Variants in TYMS observed in about 807,000 individuals in gnomAD.
TYMS encodes thymidylate synthetase, also known as thymidylate synthase.
A neutral mutation model predicts 39.3 loss-of-function variants in TYMS; 21 were observed. The ratio of observed to expected loss-of-function variants is 0.54; its 90% CI spans 0.38 to 0.77. The LOEUF (loss-of-function observed/expected upper bound fraction) is 0.77. TYMS is among the 30% of genes least tolerant of loss of function. TYMS has a pLI of 0.00. For missense variants in TYMS, 273 were observed against 406.7 expected (o/e 0.67, Z 2.83); for synonymous variants, 171 against 162.2 (o/e 1.05, Z -0.41).
Position 668,651 on chromosome 18 carries a change from A to ACT in TYMS, c.455-416_455-415dup, listed in dbSNP as rs754573274. On this transcript the variant is annotated intron_variant, in intron 3 of 6. Coordinates refer to ENST00000323274, the MANE Select transcript of TYMS (RefSeq NM_001071.4). ...TACTATATTCTACATAAGATACAACACTCTCTGTGAGACAAGGATAAAGTA... is the reference window on the plus strand; with the variant it reads ...TACTATATTCTACATAAGATACAACACTCTCTCTGTGAGACAAGGATAAAGTA... Among the ~76,000 whole-genome samples the ACT allele has an allele frequency of 2.6e-5, 4 of 152,268 alleles. No individual in the cohort carries two copies. In the South Asian group the frequency reaches 8.3e-4, roughly 32 times the overall value.
rs1002670589 is a variant in TYMS at position 666,047 on chromosome 18, T to C, written c.455-3025T>C. ...CTATTAGGTCCGCTTAGTGCAGAGC[T>C]GAGTTCAATTCCTGGGTATCCTTGT... On this transcript the variant is annotated intron_variant, in intron 3 of 6. Transcript: ENST00000323274. Among the ~76,000 whole-genome samples, 20 of 98,334 alleles carry C rather than the reference T, an allele frequency of 2.0e-4. 6 individuals are homozygous for C. Among genetic ancestry groups the C allele is most frequent in the Non-Finnish European group, 3.0e-4 (16 of 53,024 alleles). The allele number at this position is 98,334 out of a possible 152,430, so 64.5% of individuals were successfully genotyped here.
chr18:670,964 T>G lies in TYMS; in HGVS notation c.732+97T>G. On this transcript the variant is annotated intron_variant, in intron 5 of 6. Transcript: ENST00000323274. ...CAAATTGCAGAGTTTAGTCTCTGATTAGCTTTTAAATTTGATATGTGTAAG... is the reference window on the plus strand; with the variant it reads ...CAAATTGCAGAGTTTAGTCTCTGATGAGCTTTTAAATTTGATATGTGTAAG... The G allele has an allele frequency of 2.1e-6, 3 of 1,405,298 alleles. No homozygotes were observed. The South Asian group carries it at 4.1e-5, about 19-fold the overall frequency. 87.1% of individuals were successfully genotyped at this position (1,405,298 alleles called of 1,614,324 possible).
chr18:664,389 G>C (rs1167098024), intron 3 of TYMS, among the ~76,000 whole-genome samples: 1 of 147,036 alleles, frequency 6.8e-6, no homozygotes, highest in African/African-American at 2.6e-5. Flanking sequence ...CTTTGCTGAA[G>C]TTGCTTATCA....
chr18:662,050 G>A (rs1180145433), intron 2 of TYMS, 96 bp from the exon 3 acceptor site: 2 of 1,339,750 alleles, frequency 1.5e-6, no homozygotes, highest in African/African-American at 3.0e-5. Flanking sequence ...AAGTCAGCAG[G>A]GGCCAGAGGC....
At chr18:664,686 T>C (rs995271156) in intron 3 of TYMS, among the ~76,000 whole-genome samples, 85 of 149,438 alleles carry the variant, frequency 5.7e-4, no homozygotes, top group Non-Finnish European at 9.8e-4. Flanking sequence ...TTTTGAAATA[T>C]GTCCCATCAA....
intron 6 of TYMS, chr18:671,839 G>A: frequency 4.6e-6 from 1 of 217,642 alleles, no homozygotes; most frequent in South Asian, 6.7e-5. Flanking sequence ...GTGTGCCGTG[G>A]TGCGATCTCA....
chr18:664,435 T>G (rs1451037578), intron 3 of TYMS, among the ~76,000 whole-genome samples: 3 of 145,408 alleles, frequency 2.1e-5, no homozygotes, highest in Non-Finnish European at 4.5e-5. Context: ...AATGGGGTTT[T>G]CTAGATATAC....
In TYMS at chr18:660,152, A is replaced by G. The variant is rs766679058; in HGVS notation, c.279+438A>G. Among the ~76,000 whole-genome samples the G allele has an allele frequency of 6.6e-6, 1 of 152,160 alleles. No individual in the cohort carries two copies. The highest frequency in any genetic ancestry group is 2.4e-5 in the African/African-American group (1 of 41,428). ...TAGTGGCTCCATTTCACTCAGTAAGAGCCACGGTCCTTATGGTGTCCGTTT... is the reference window on the plus strand; with the variant it reads ...TAGTGGCTCCATTTCACTCAGTAAGGGCCACGGTCCTTATGGTGTCCGTTT... On this transcript the variant is annotated intron_variant, in intron 2 of 6. Coordinates refer to ENST00000323274, the MANE Select transcript of TYMS (RefSeq NM_001071.4). The surrounding 1 kb of genome is among the most constrained non-coding windows in gnomAD (Gnocchi z 4.6).
At position 658,198 on chromosome 18, in the gene TYMS, CGGGCTCG is replaced by C; in HGVS notation, c.205+252_205+258del. 1 of 1,535,756 alleles carries C rather than the reference CGGGCTCG, an allele frequency of 6.5e-7. No individual in the cohort carries two copies. On this transcript the variant is annotated intron_variant, in intron 1 of 6. Transcript: ENST00000323274. The surrounding 1 kb of genome is among the most constrained non-coding windows in gnomAD (Gnocchi z 4.5). ...AGCCGCGTCCCAGCGGCTCCGCGGC[CGGGCTCG>C]CAGTCGCCCCAGTGATGCCGTGGCC...
chr18:669,923 T>C (rs57164042), intron 4 of TYMS, among the ~76,000 whole-genome samples: 49 of 151,834 alleles, frequency 3.2e-4, no homozygotes, highest in African/African-American at 1.1e-3. Context: ...GATCACGCCA[T>C]TGCACTCCAG....
At chr18:666,163 G>T (rs953915199) in intron 3 of TYMS, among the ~76,000 whole-genome samples, 11 of 93,894 alleles carry the variant, frequency 1.2e-4, no homozygotes, top group African/African-American at 7.0e-4. Flanking sequence ...TCTCTTTGTA[G>T]GTCAGATGAT....
At chr18:666,933 T>A (rs62090121) in intron 3 of TYMS, among the ~76,000 whole-genome samples, 3,940 of 47,678 alleles carry the variant, frequency 0.083, 614 homozygotes, top group African/African-American at 0.12. Context: ...ATGGTGATGG[T>A]GATGGAGATG....
At chr18:672,602 G>GAACTT (rs2075111774) in intron 6 of TYMS, 2 of 305,430 alleles carry the variant, frequency 6.5e-6, no homozygotes, top group Non-Finnish European at 1.2e-5. Context: ...GTGGTTATAA[G>GAACTT]AACTTACACC....
intron 5 of TYMS, 89 bp from the exon 6 acceptor site, chr18:671,291 T>C (rs2075038263): frequency 1.1e-6 from 1 of 880,194 alleles, no homozygotes; most frequent in Non-Finnish European, 1.9e-6. Flanking sequence ...AAAAAAGCCT[T>C]GCGGTGTCTG....
Position 667,119 on chromosome 18 carries a change from TGATGGTGATGGA to T in TYMS, c.455-1941_455-1930del, listed in dbSNP as rs1215516576. On this transcript the variant is annotated intron_variant, in intron 3 of 6. Transcript: ENST00000323274. ...GAGATGGAGATGGAGATGGTGATGG[TGATGGTGATGGA>T]GATGGTGATGGTGATGGTGATGGTG... 3.6e-4 allele frequency among the ~76,000 whole-genome samples: 26 copies of T among 72,320 alleles called. 2 individuals are homozygous for T. Among genetic ancestry groups the T allele is most frequent in the East Asian group, 3.0e-3 (7 of 2,306 alleles). The allele number at this position is 72,320 out of a possible 152,430, so 47.4% of individuals were successfully genotyped here. A position where few individuals can be genotyped will look rare whatever the true frequency, so the allele number is the denominator to read the frequency against.
intron 5 of TYMS, 130 bp downstream of exon 5, chr18:670,997 T>C: frequency 9.0e-7 from 1 of 1,105,304 alleles, no homozygotes; most frequent in South Asian, 1.6e-5. Context: ...AAGTAAGAAA[T>C]GAACCAGCTT....
chr18:662,301 A>G lies in TYMS; in HGVS notation c.435A>G (p.Glu145=). 3.7e-6 allele frequency: 6 copies of G among 1,611,966 alleles called. No individual in the cohort carries two copies. The highest frequency in any genetic ancestry group is 5.1e-6 in the Non-Finnish European group (6 of 1,179,426). ...YGFQWRHFGA[E]YRDMESDYSG... ...TCCAGTGGAGGCATTTTGGGGCAGA[A>G]TACAGAGATATGGAATCAGGTGAGG... Residue 145 remains glutamate (E), a synonymous_variant, in exon 3 of 7, where the codon GAA becomes GAG. Coordinates refer to ENST00000323274, the MANE Select transcript of TYMS (RefSeq NM_001071.4).
chr18:670,942 AT>A, intron 5 of TYMS, 75 bp downstream of exon 5: 1 of 1,523,798 alleles, frequency 6.6e-7, no homozygotes, highest in Middle Eastern at 2.0e-4. Context: ...GGGAAAACAA[AT>A]TGCAGAGTTT....
chr18:664,271 T>G (rs944750763), intron 3 of TYMS, among the ~76,000 whole-genome samples: 2 of 151,470 alleles, frequency 1.3e-5, no homozygotes, highest in Admixed American at 1.3e-4. Context: ...TTTATTCTCT[T>G]TGAAGCAATT....
Sources: allele counts gnomAD v4.1 joint callset (sites outside exome capture counted in the v4.1 genomes callset), GRCh38; gene constraint gnomAD v4.1.1; non-coding constraint Gnocchi (gnomAD v3.1); transcripts MANE v1.5; gene names NCBI Gene and HGNC (gene_info 2026-07-23, HGNC 2026-07-21).